The following CNIH3 variants were observed in gnomAD, a reference collection of about 807,000 sequenced individuals.
CNIH3 encodes the protein cornichon family AMPA receptor auxiliary protein 3.
Under a neutral mutation model 24.1 loss-of-function variants are expected in CNIH3, and 14 were observed. The observed-to-expected ratio is 0.58, with a 90% CI of 0.38 to 0.91. CNIH3 has a LOEUF of 0.91. CNIH3 is among the 40% of genes least tolerant of loss of function. The probability of loss-of-function intolerance (pLI) is 0.00; values close to 1 mark genes in which losing one functional copy is unlikely to be tolerated. For synonymous variants in CNIH3, 68 were observed against 73.8 expected, an observed-to-expected ratio of 0.92 and a Z score of 0.40; for missense variants, 178 against 196.8, an observed-to-expected ratio of 0.90 and a Z score of 0.57.
intron 1 of CNIH3, among the ~76,000 whole-genome samples, chr1:224,516,672 C>T (rs939299377): frequency 1.3e-5 from 2 of 152,244 alleles, no homozygotes; most frequent in Admixed American, 6.5e-5. Flanking sequence ...CCCCAGACAG[C>T]CTGGCCCCTG....
intron 1 of CNIH3, among the ~76,000 whole-genome samples, chr1:224,624,649 C>T (rs1683432352): frequency 6.6e-6 from 1 of 152,148 alleles, no homozygotes; most frequent in Non-Finnish European, 1.5e-5. Context: ...CCAAGCTGGC[C>T]TCCTTGGTTA....
chr1:224,454,157 C>A, intron 1 of CNIH3: 1 of 301,318 alleles, frequency 3.3e-6, no homozygotes, highest in Non-Finnish European at 4.9e-6. Context: ...AAGCAACACC[C>A]AAAATGTCCC....
chr1:224,610,677 A>ATC (rs1682649672), intron 3 of CNIH3, among the ~76,000 whole-genome samples: 6 of 152,356 alleles, frequency 3.9e-5, no homozygotes, highest in African/African-American at 9.6e-5. Context: ...CACCTTCAAT[A>ATC]AACAGAGGTA....
intron 1 of CNIH3, among the ~76,000 whole-genome samples, chr1:224,637,751 C>G (rs1472555010): frequency 1.3e-5 from 2 of 152,158 alleles, no homozygotes; most frequent in Non-Finnish European, 2.9e-5. Context: ...ACCAGCCGCT[C>G]AGCTGGGCGG....
intron 1 of CNIH3, among the ~76,000 whole-genome samples, chr1:224,618,782 A>G (rs1683150977): frequency 1.3e-5 from 2 of 152,340 alleles, no homozygotes; most frequent in East Asian, 1.9e-4. Context: ...GATTAAAACA[A>G]TTCCGCTATT....
At chr1:224,723,195 C>T (rs562063235) in intron 3 of CNIH3, among the ~76,000 whole-genome samples, 9 of 152,284 alleles carry the variant, frequency 5.9e-5, no homozygotes, top group African/African-American at 1.7e-4. Flanking sequence ...GTGCAGTCCA[C>T]GAAGGCAGTG....
chr1:224,496,142 A>G (rs1677429113), intron 1 of CNIH3, among the ~76,000 whole-genome samples: 1 of 152,166 alleles, frequency 6.6e-6, no homozygotes, highest in Admixed American at 6.5e-5. Flanking sequence ...TTACTGAACA[A>G]CTACATGTCG....
chr1:224,508,125 T>A (rs1398016216), intron 1 of CNIH3, among the ~76,000 whole-genome samples: 1 of 152,232 alleles, frequency 6.6e-6, no homozygotes, highest in Non-Finnish European at 1.5e-5. Flanking sequence ...TGAAATGTAT[T>A]TGGCAATAGA....
At chr1:224,561,841 A>G (rs1349517932) in intron 3 of CNIH3, among the ~76,000 whole-genome samples, 2 of 152,226 alleles carry the variant, frequency 1.3e-5, no homozygotes, top group African/African-American at 4.8e-5. Context: ...GGTGAGTAGA[A>G]CCTAGAATAA....
At chr1:224,495,512 C>T (rs1475434722) in intron 1 of CNIH3, among the ~76,000 whole-genome samples, 1 of 152,208 alleles carries the variant, frequency 6.6e-6, no homozygotes, top group Admixed American at 6.5e-5. Context: ...CCAAAATAGT[C>T]TCTACTTTAA....
intron 1 of CNIH3, among the ~76,000 whole-genome samples, chr1:224,461,780 C>CAATT (rs1449664460): frequency 6.6e-6 from 1 of 152,182 alleles, no homozygotes; most frequent in African/African-American, 2.4e-5. Flanking sequence ...AAACCCATAT[C>CAATT]AATTAGCAGT....
chr1:224,665,117 C>T (rs982958289), intron 1 of CNIH3, among the ~76,000 whole-genome samples: 6 of 151,908 alleles, frequency 3.9e-5, no homozygotes, highest in Admixed American at 3.3e-4. Context: ...GTATACATTC[C>T]GTTAGTTAAT....
At chr1:224,480,564 C>T (rs1349565956) in intron 1 of CNIH3, among the ~76,000 whole-genome samples, 6 of 152,210 alleles carry the variant, frequency 3.9e-5, no homozygotes, top group Admixed American at 3.9e-4. Flanking sequence ...ACCCAAGTCA[C>T]CTCTTGAATG....
At chr1:224,697,815 T>C (rs1013438300) in intron 3 of CNIH3, among the ~76,000 whole-genome samples, 9 of 152,168 alleles carry the variant, frequency 5.9e-5, no homozygotes, top group Non-Finnish European at 1.0e-4. Context: ...AATAACCTCT[T>C]ATTCTTGGTT....
chr1:224,510,329 G>A (rs1309595762), intron 1 of CNIH3, among the ~76,000 whole-genome samples: 1 of 152,086 alleles, frequency 6.6e-6, no homozygotes, highest in South Asian at 2.1e-4. Context: ...GTGTCAGTAG[G>A]GGCGCCCCGT....
At chr1:224,528,736 T>G (rs559385771) in intron 2 of CNIH3, among the ~76,000 whole-genome samples, 1 of 152,210 alleles carries the variant, frequency 6.6e-6, no homozygotes, top group Non-Finnish European at 1.5e-5. Flanking sequence ...TCTACATGAT[T>G]ATATTTTATG....
intron 1 of CNIH3, among the ~76,000 whole-genome samples, chr1:224,473,656 T>C (rs565047488): frequency 6.6e-6 from 1 of 152,134 alleles, no homozygotes; most frequent in South Asian, 2.1e-4. Context: ...GTAAAGGAAA[T>C]ATTACTAGAG....
chr1:224,527,397 T>A (rs566948303), intron 2 of CNIH3, among the ~76,000 whole-genome samples: 30 of 152,318 alleles, frequency 2.0e-4, no homozygotes, highest in African/African-American at 7.0e-4. Context: ...TGCAGGAAAC[T>A]TTATTTTCTT....
At chr1:224,658,556 C>G (rs1177425671) in intron 1 of CNIH3, among the ~76,000 whole-genome samples, 1 of 151,734 alleles carries the variant, frequency 6.6e-6, no homozygotes, top group African/African-American at 2.4e-5. Context: ...AAAATAGGGT[C>G]ATAGTCACTA....
Sources: gnomAD v4.1 joint callset for allele counts (sites outside exome capture counted in the v4.1 genomes callset) on GRCh38, gnomAD v4.1.1 for gene constraint, MANE v1.5 for transcripts, NCBI Gene and HGNC (gene_info 2026-07-23, HGNC 2026-07-21) for gene names.